Variants in DPYSL5 observed in about 807,000 individuals in gnomAD.
DPYSL5 encodes the protein dihydropyrimidinase like 5.
A neutral mutation model predicts 58.4 loss-of-function variants in DPYSL5; 9 were observed. The observed-to-expected ratio is 0.15, with a 90% CI of 0.09 to 0.27. DPYSL5 has a LOEUF of 0.27. DPYSL5 is among the 10% of genes least tolerant of loss of function. The pLI is 1.00. For missense variants in DPYSL5, 499 were observed against 770.6 expected, an observed-to-expected ratio of 0.65 and a Z score of 4.17; for synonymous variants, 293 against 301.9, an observed-to-expected ratio of 0.97 and a Z score of 0.31.
chr2:26,865,111 G>T (rs2148112781), intron 1 of DPYSL5, among the ~76,000 whole-genome samples: 1 of 152,146 alleles, frequency 6.6e-6, no homozygotes, highest in East Asian at 1.9e-4. Flanking sequence ...TAAGAAAACT[G>T]TGTGCATAAA....
At chr2:26,940,500 CTT>C (rs61122277) in intron 9 of DPYSL5, among the ~76,000 whole-genome samples, 129,555 of 136,418 alleles carry the variant, frequency 0.95, 61,649 homozygotes, top group South Asian at 0.99. Context: ...ATGTACTGTA[CTT>C]TTTTTTTTTT....
At chr2:26,945,728 G>C (rs1665461278) in intron 12 of DPYSL5, among the ~76,000 whole-genome samples, 1 of 152,250 alleles carries the variant, frequency 6.6e-6, no homozygotes, top group African/African-American at 2.4e-5. Context: ...ACTCAGTAAG[G>C]GCTGTGCTGG....
chr2:26,854,893 A>G (rs987311961), intron 1 of DPYSL5, among the ~76,000 whole-genome samples: 2 of 151,502 alleles, frequency 1.3e-5, no homozygotes, highest in Non-Finnish European at 2.9e-5. Context: ...ATCTCTGCTC[A>G]CTGCAACCTC....
intron 1 of DPYSL5, among the ~76,000 whole-genome samples, chr2:26,866,604 C>T (rs1666147854): frequency 6.6e-6 from 1 of 152,014 alleles, no homozygotes; most frequent in African/African-American, 2.4e-5. Flanking sequence ...TGATGGATAT[C>T]CCAATTACCC....
In DPYSL5 at chr2:26,933,165, G is replaced by C. The variant is rs1033683285; in HGVS notation, c.715-93G>C. 1 of 1,128,792 alleles carries C rather than the reference G, an allele frequency of 8.9e-7. No individual in the cohort carries two copies. 69.9% of individuals were successfully genotyped at this position (1,128,792 alleles called of 1,614,324 possible). On this transcript the variant is annotated intron_variant, in intron 6 of 12. Coordinates refer to ENST00000288699, the MANE Select transcript of DPYSL5 (RefSeq NM_020134.4). The surrounding 1 kb of genome is among the most constrained non-coding windows in gnomAD (Gnocchi z 4.2). ...GGGGTTGAGTGACGCAGGGGGAGGC[G>C]CTGGTGCCAGGGCTGACTTTGCCAG...
Position 26,898,485 on chromosome 2 carries a change from C to T in DPYSL5, c.-4-11C>T. 2 of 1,612,212 alleles carry T rather than the reference C, an allele frequency of 1.2e-6. No homozygotes were observed. Among genetic ancestry groups the T allele is most frequent in the Non-Finnish European group, 1.7e-6 (2 of 1,178,540 alleles). ...GGGACTTTGACCTTGACCATGCTCA[C>T]CTTCTTGTAGGAACATGCTTGCCAA... On this transcript the variant is annotated splice_polypyrimidine_tract_variant and intron_variant, in intron 1 of 12. Transcript: ENST00000288699. The surrounding 1 kb of genome is among the most constrained non-coding windows in gnomAD (Gnocchi z 6.1).
At chr2:26,900,866 G>A (rs1264247601) in intron 2 of DPYSL5, among the ~76,000 whole-genome samples, 1 of 152,124 alleles carries the variant, frequency 6.6e-6, no homozygotes, top group East Asian at 1.9e-4. Flanking sequence ...CTGTCACTAT[G>A]CTGTCTACCA....
At chr2:26,873,352 C>G (rs1343048197) in intron 1 of DPYSL5, among the ~76,000 whole-genome samples, 1 of 152,176 alleles carries the variant, frequency 6.6e-6, no homozygotes, top group Non-Finnish European at 1.5e-5. Flanking sequence ...ACCACCACCT[C>G]CGCTCGTGCT....
At position 26,931,137 on chromosome 2, in the gene DPYSL5, T is replaced by TAAAAAA. The variant is rs61652873; in HGVS notation, c.670-492_670-487dup. On this transcript the variant is annotated intron_variant, in intron 5 of 12. Coordinates refer to ENST00000288699, the MANE Select transcript of DPYSL5 (RefSeq NM_020134.4). ...CTGGGAGACAGAGTGAGACCCTATC[T>TAAAAAA]AAAAAAAAAAAAAAAATATATATAT... is the stretch of plus-strand genomic sequence containing the variant. Among the ~76,000 whole-genome samples the TAAAAAA allele has an allele frequency of 3.0e-4, 15 of 49,538 alleles. 1 individual carries two copies. The highest frequency in any genetic ancestry group is 9.4e-4 in the African/African-American group (15 of 15,898). 32.5% of individuals were successfully genotyped at this position (49,538 alleles called of 152,430 possible). A position where few individuals can be genotyped will look rare whatever the true frequency, so the allele number is the denominator to read the frequency against.
intron 1 of DPYSL5, among the ~76,000 whole-genome samples, chr2:26,857,512 C>G (rs967209713): frequency 2.6e-5 from 4 of 151,560 alleles, no homozygotes; most frequent in African/African-American, 9.7e-5. Flanking sequence ...TGCCCTCCAG[C>G]CTGGGCGACA....
At chr2:26,896,078 T>C (rs1664013638) in intron 1 of DPYSL5, among the ~76,000 whole-genome samples, 1 of 152,100 alleles carries the variant, frequency 6.6e-6, no homozygotes, top group East Asian at 1.9e-4. Flanking sequence ...GCACCCAGCC[T>C]CTGTTCTCTA....
At chr2:26,888,255 T>TTCTTTCTTTC (rs1553316479) in intron 1 of DPYSL5, among the ~76,000 whole-genome samples, 1 of 108,188 alleles carries the variant, frequency 9.2e-6, no homozygotes, top group African/African-American at 4.6e-5. Context: ...CTTTCTTTCT[T>TTCTTTCTTTC]TCTTTCTTTC....
intron 1 of DPYSL5, among the ~76,000 whole-genome samples, chr2:26,889,997 C>T (rs192127765): frequency 2.8e-4 from 43 of 152,222 alleles, no homozygotes; most frequent in Admixed American, 7.2e-4. Flanking sequence ...CGGGATTGGA[C>T]GGGGTTAGCA....
intron 1 of DPYSL5, among the ~76,000 whole-genome samples, chr2:26,893,686 C>A (rs900430419): frequency 6.6e-6 from 1 of 151,868 alleles, no homozygotes. Context: ...GGGGAGCGGG[C>A]GGAGACAAAG....
chr2:26,915,740 T>G (rs1419986370), intron 2 of DPYSL5, among the ~76,000 whole-genome samples: 2 of 152,124 alleles, frequency 1.3e-5, no homozygotes, highest in Non-Finnish European at 2.9e-5. Context: ...ACCTTCCATC[T>G]GGGATTTTGG....
chr2:26,934,555 G>C lies in DPYSL5; in HGVS notation c.791-23G>C, dbSNP rs750258283. 2 of 1,606,072 alleles carry C rather than the reference G, an allele frequency of 1.2e-6. No homozygotes were observed. The highest frequency in any genetic ancestry group is 1.1e-5 in the South Asian group (1 of 90,772). ...TCAGGTTCGGTGGCTTCCTGGTTAT[G>C]GTTCTGACCTTTCTTCTTCCAGGGA... On this transcript the variant is annotated intron_variant, in intron 7 of 12. Transcript: ENST00000288699. This position sits in a 1 kb window ranked among gnomAD's most constrained non-coding sequence, Gnocchi z 4.3.
At chr2:26,863,956 A>G (rs1666080441) in intron 1 of DPYSL5, among the ~76,000 whole-genome samples, 1 of 152,216 alleles carries the variant, frequency 6.6e-6, no homozygotes, top group South Asian at 2.1e-4. Context: ...AATTACATAT[A>G]GTTAGACCGG....
intron 1 of DPYSL5, among the ~76,000 whole-genome samples, chr2:26,870,237 T>TACAA (rs1482236966): frequency 6.6e-6 from 1 of 152,198 alleles, no homozygotes; most frequent in Non-Finnish European, 1.5e-5. Context: ...TACACTTGAG[T>TACAA]CGTTTTGTCC....
chr2:26,915,613 A>G (rs879927784), intron 2 of DPYSL5, among the ~76,000 whole-genome samples: 2 of 152,106 alleles, frequency 1.3e-5, no homozygotes, highest in African/African-American at 2.4e-5. Context: ...TTACAACAGC[A>G]TGGTAACTTC....
Sources: allele counts gnomAD v4.1 joint callset (sites outside exome capture counted in the v4.1 genomes callset), GRCh38; gene constraint gnomAD v4.1.1; non-coding constraint Gnocchi (gnomAD v3.1); transcripts MANE v1.5; gene names NCBI Gene and HGNC (gene_info 2026-07-23, HGNC 2026-07-21).